The following SLAIN2 variants were observed in gnomAD, a reference collection of about 807,000 sequenced individuals.
The protein encoded by SLAIN2 is SLAIN motif-containing protein 2.
In SLAIN2, 31 loss-of-function variants were observed where a neutral mutation model predicts 56.6. That is an observed-to-expected ratio of 0.55 (90% CI 0.41 to 0.74). The LOEUF is 0.74. SLAIN2 is among the 30% of genes least tolerant of loss of function. The pLI is 0.00. For synonymous variants in SLAIN2, 317 were observed against 284.9 expected, an observed-to-expected ratio of 1.11 and a Z score of -1.13; for missense variants, 777 against 754.2, an observed-to-expected ratio of 1.03 and a Z score of -0.35.
intron 1 of SLAIN2, among the ~76,000 whole-genome samples, chr4:48,345,642 AT>A (rs1023717725): frequency 1.2e-4 from 18 of 148,022 alleles, no homozygotes; most frequent in East Asian, 2.0e-4. Context: ...TGTGTAACGG[AT>A]TTTTTTTTTA....
intron 6 of SLAIN2, among the ~76,000 whole-genome samples, chr4:48,412,365 T>TACACACACACACACACACAC (rs748099130): frequency 3.5e-5 from 4 of 112,904 alleles, no homozygotes; most frequent in African/African-American, 1.0e-4. Context: ...TTTGTATATG[T>TACACACACACACACACACAC]ACACACACAC....
At chr4:48,414,589 G>T (rs1360602823) in intron 6 of SLAIN2, among the ~76,000 whole-genome samples, 1 of 141,666 alleles carries the variant, frequency 7.1e-6, no homozygotes, top group Non-Finnish European at 1.5e-5. Context: ...CTAAGTTTTA[G>T]GGTACATGTG....
At chr4:48,396,939 G>T (rs1716408046) in intron 6 of SLAIN2, among the ~76,000 whole-genome samples, 1 of 152,138 alleles carries the variant, frequency 6.6e-6, no homozygotes, top group African/African-American at 2.4e-5. Flanking sequence ...TGCTACTAAA[G>T]TCAAAAAAGG....
intron 1 of SLAIN2, among the ~76,000 whole-genome samples, chr4:48,368,356 C>T (rs778843754): frequency 5.3e-5 from 8 of 152,072 alleles, no homozygotes; most frequent in Non-Finnish European, 1.2e-4. Flanking sequence ...CCACTGCACC[C>T]GGCCCTGCTT....
chr4:48,408,530 C>A (rs866321649), intron 6 of SLAIN2, among the ~76,000 whole-genome samples: 1,238 of 108,844 alleles, frequency 0.011, no homozygotes, highest in African/African-American at 0.013. Context: ...CCGTTTTTAG[C>A]AAAAAAAAAA....
chr4:48,366,274 G>A (rs1489756734), intron 1 of SLAIN2, among the ~76,000 whole-genome samples: 1 of 152,178 alleles, frequency 6.6e-6, no homozygotes, highest in African/African-American at 2.4e-5. Flanking sequence ...GTTAAAAAGA[G>A]TGTGTTTTCT....
chr4:48,424,790 G>C lies in SLAIN2; in HGVS notation c.*2713G>C, dbSNP rs1256428431. On this transcript the variant is annotated 3_prime_UTR_variant, in exon 8 of 8. Transcript: ENST00000264313. ...ATAAAAAAAAAAAGTTTTTTTGAAA[G>C]AAAATTAGATACATATGTGGCCCCA... is the stretch of plus-strand genomic sequence containing the variant. 1 of 151,718 alleles carries C rather than the reference G, an allele frequency of 6.6e-6. No individual in the cohort carries two copies. The highest frequency in any genetic ancestry group is 1.5e-5 in the Non-Finnish European group (1 of 67,860). The allele number at this position is 151,718 out of a possible 1,614,324, so 9.4% of individuals were successfully genotyped here.
At chr4:48,354,770 G>A (rs1338835287) in intron 1 of SLAIN2, among the ~76,000 whole-genome samples, 1 of 151,826 alleles carries the variant, frequency 6.6e-6, no homozygotes, top group Non-Finnish European at 1.5e-5. Context: ...AGCCTGTTAT[G>A]GGTATTTTGA....
At chr4:48,347,378 C>G (rs1714897764) in intron 1 of SLAIN2, among the ~76,000 whole-genome samples, 1 of 150,504 alleles carries the variant, frequency 6.6e-6, no homozygotes, top group Admixed American at 6.6e-5. Flanking sequence ...CTTGAGTAGC[C>G]AGGACCACAG....
At chr4:48,409,087 G>A (rs1308178137) in intron 6 of SLAIN2, among the ~76,000 whole-genome samples, 1 of 152,046 alleles carries the variant, frequency 6.6e-6, no homozygotes, top group Admixed American at 6.6e-5. Context: ...GTGTATTTAT[G>A]GAGCACATGA....
At chr4:48,418,280 A>G (rs1717052921) in intron 6 of SLAIN2, among the ~76,000 whole-genome samples, 1 of 151,786 alleles carries the variant, frequency 6.6e-6, no homozygotes, top group African/African-American at 2.4e-5. Context: ...CATTAAGTAT[A>G]ATGTTAACTG....
chr4:48,356,076 T>C (rs1715146500), intron 1 of SLAIN2, among the ~76,000 whole-genome samples: 1 of 152,294 alleles, frequency 6.6e-6, no homozygotes, highest in Non-Finnish European at 1.5e-5. Context: ...TAAACCTAAA[T>C]CATTAAGTTG....
At position 48,383,009 on chromosome 4, in the gene SLAIN2, A is replaced by AT. The variant is rs1358032836; in HGVS notation, c.1222+86dup. 11 of 1,412,602 alleles carry AT rather than the reference A, an allele frequency of 7.8e-6. No homozygotes were observed. In the African/African-American group the frequency reaches 1.6e-4, roughly 20 times the overall value. 87.5% of individuals were successfully genotyped at this position (1,412,602 alleles called of 1,614,324 possible). A position where few individuals can be genotyped will look rare whatever the true frequency, so the allele number is the denominator to read the frequency against. On this transcript the variant is annotated intron_variant, in intron 5 of 7. Transcript: ENST00000264313. ...GCAAGACCCCGTCTCTAGGAAAAAA[A>AT]TTTTCAAAATTAGCTGGGCATGGTG...
intron 1 of SLAIN2, among the ~76,000 whole-genome samples, chr4:48,343,334 A>G (rs148318620): frequency 3.3e-5 from 5 of 152,322 alleles, no homozygotes; most frequent in African/African-American, 9.6e-5. Flanking sequence ...ATAATTATGT[A>G]TGCATTTAGC....
At chr4:48,389,940 G>A (rs1289726896) in intron 6 of SLAIN2, among the ~76,000 whole-genome samples, 1 of 152,132 alleles carries the variant, frequency 6.6e-6, no homozygotes, top group African/African-American at 2.4e-5. Flanking sequence ...TATCAGTGTG[G>A]AGAAAAGATT....
At chr4:48,383,561 C>A in intron 5 of SLAIN2, 86 bp from the exon 6 acceptor site, 25 of 1,131,772 alleles carry the variant, frequency 2.2e-5, no homozygotes, top group Admixed American at 6.2e-5. Flanking sequence ...GTTTGATAAA[C>A]AATTTGATTT....
chr4:48,378,191 G>A (rs2291476), intron 3 of SLAIN2, 131 bp downstream of exon 3: 738,657 of 1,031,178 alleles, frequency 0.72, 267,747 homozygotes, highest in African/African-American at 0.92. Context: ...AGAAAATATC[G>A]TTGAGGAGCA....
chr4:48,393,708 A>G (rs1166261932), intron 6 of SLAIN2, among the ~76,000 whole-genome samples: 1 of 152,180 alleles, frequency 6.6e-6, no homozygotes, highest in African/African-American at 2.4e-5. Context: ...CAGAGTAACT[A>G]AAATATTTTA....
At chr4:48,420,896 A>T (rs1157813740) in intron 7 of SLAIN2, among the ~76,000 whole-genome samples, 1 of 152,202 alleles carries the variant, frequency 6.6e-6, no homozygotes, top group South Asian at 2.1e-4. Flanking sequence ...TGTGAGATTT[A>T]TATAAATGTA....
Sources: allele counts gnomAD v4.1 joint callset (sites outside exome capture counted in the v4.1 genomes callset), GRCh38; gene constraint gnomAD v4.1.1; transcripts MANE v1.5; gene names NCBI Gene and HGNC (gene_info 2026-07-23, HGNC 2026-07-21).